THSD4: variants seen among roughly 807,000 people sequenced by gnomAD.
The protein encoded by THSD4 is thrombospondin type-1 domain-containing protein 4.
THSD4 carries 69 observed loss-of-function variants against 119.0 expected under a neutral mutation model. The observed-to-expected ratio is 0.58, with a 90% confidence interval of 0.48 to 0.71. The LOEUF (loss-of-function observed/expected upper bound fraction) is 0.71. Ranked by LOEUF, THSD4 falls within the 30% of genes least tolerant of loss-of-function variation. The pLI is 0.00. For synonymous variants in THSD4, 524 were observed against 540.4 expected, an observed-to-expected ratio of 0.97 and a Z score of 0.42; for missense variants, 1,393 against 1,391.1, an observed-to-expected ratio of 1.00 and a Z score of -0.02.
chr15:71,218,131 C>T (rs893054195), intron 4 of THSD4, among the ~76,000 whole-genome samples: 1 of 152,144 alleles, frequency 6.6e-6, no homozygotes, highest in Non-Finnish European at 1.5e-5. Context: ...TTGCTAATAG[C>T]ATCTTCATTT....
intron 7 of THSD4, among the ~76,000 whole-genome samples, chr15:71,466,516 G>A (rs1224480224): frequency 6.6e-6 from 1 of 152,076 alleles, no homozygotes; most frequent in Non-Finnish European, 1.5e-5. Context: ...CTGGTGCCAG[G>A]GCAGAACCCT....
intron 17 of THSD4, among the ~76,000 whole-genome samples, chr15:71,771,700 AAGG>A (rs2053826822): frequency 6.6e-6 from 1 of 152,150 alleles, no homozygotes; most frequent in South Asian, 2.1e-4. Context: ...GACTAGACTC[AAGG>A]AGGAGGAGTG....
At chr15:71,506,428 G>A (rs574702533) in intron 7 of THSD4, among the ~76,000 whole-genome samples, 13 of 152,280 alleles carry the variant, frequency 8.5e-5, no homozygotes, top group African/African-American at 2.9e-4. Flanking sequence ...CTTGCCATCA[G>A]CATGGCACAG....
chr15:71,735,654 GTC>G lies in THSD4; in HGVS notation c.1631-2069_1631-2068del, dbSNP rs373288292. Among the ~76,000 whole-genome samples, 205 of 141,706 alleles carry G rather than the reference GTC, an allele frequency of 1.4e-3. 2 individuals are homozygous for G. Among genetic ancestry groups the G allele is most frequent in the African/African-American group, 5.4e-3 (200 of 37,258 alleles). The allele number at this position is 141,706 out of a possible 152,430, so 93.0% of individuals were successfully genotyped here. ...TCTCTTGCTGTCTCTCTTGCTCTCT[GTC>G]TCTCTCTCGTTCTCTGTCTCTCTCA... On this transcript the variant is annotated intron_variant, in intron 10 of 17. Coordinates refer to ENST00000261862, the MANE Select transcript of THSD4 (RefSeq NM_024817.3).
chr15:71,587,640 G>A (rs1224297447), intron 7 of THSD4, among the ~76,000 whole-genome samples: 4 of 123,272 alleles, frequency 3.2e-5, no homozygotes, highest in African/African-American at 8.1e-5. Context: ...GGGGGAGAGG[G>A]GAGGGATAGC....
At chr15:71,537,493 C>T (rs1426231868) in intron 7 of THSD4, among the ~76,000 whole-genome samples, 2 of 152,154 alleles carry the variant, frequency 1.3e-5, no homozygotes, top group Admixed American at 6.5e-5. Context: ...AGTATTGCTC[C>T]TCTCACAAGC....
chr15:71,551,061 T>G (rs562110375), intron 7 of THSD4, among the ~76,000 whole-genome samples: 2 of 152,350 alleles, frequency 1.3e-5, no homozygotes, highest in South Asian at 4.1e-4. Flanking sequence ...CTGTCATAAT[T>G]AGGTCCTTTC....
chr15:71,500,943 C>T (rs1021946865), intron 7 of THSD4, among the ~76,000 whole-genome samples: 2 of 152,120 alleles, frequency 1.3e-5, no homozygotes, highest in African/African-American at 4.8e-5. Context: ...TTCTCAAGAT[C>T]GTTTTGTCTA....
chr15:71,172,682 CATATATATATATATATATATATATAT>C (rs71152331), intron 3 of THSD4, among the ~76,000 whole-genome samples: 405 of 24,242 alleles, frequency 0.017, 23 homozygotes, highest in African/African-American at 0.034. Flanking sequence ...TAGACCTATA[CATATATATATATATATATATATATAT>C]ATATATATAT....
rs150525643 is a variant in THSD4 at position 71,728,582 on chromosome 15, A to G, written c.1391A>G (p.Asn464Ser). ...LRSRSGRSIINGNWAIDRPGK... is the reference protein window; with the variant it reads ...LRSRSGRSIISGNWAIDRPGK... ...AGTCGTTCTGGACGCTCCATCATCAATGGGAACTGGGCAATTGATCGACCA... is the reference window on the plus strand; with the variant it reads ...AGTCGTTCTGGACGCTCCATCATCAGTGGGAACTGGGCAATTGATCGACCA... The change falls in exon 9 of 18, where the codon AAT (asparagine) becomes AGT (serine). Residue 464 changes from asparagine to serine, a missense_variant. Coordinates refer to ENST00000261862, the MANE Select transcript of THSD4 (RefSeq NM_024817.3). 6.8e-6 allele frequency: 11 copies of G among 1,614,204 alleles called. No homozygotes were observed. Among genetic ancestry groups the G allele is most frequent in the Middle Eastern group, 3.3e-4 (2 of 6,062 alleles).
At chr15:71,100,783 CA>C (rs1368537056) in intron 1 of THSD4, among the ~76,000 whole-genome samples, 1 of 152,008 alleles carries the variant, frequency 6.6e-6, no homozygotes, top group Non-Finnish European at 1.5e-5. Context: ...AGTTTGAGAC[CA>C]GCCTGGGCCA....
At chr15:71,192,980 G>T (rs1436363694) in intron 3 of THSD4, among the ~76,000 whole-genome samples, 2 of 152,148 alleles carry the variant, frequency 1.3e-5, no homozygotes, top group East Asian at 3.9e-4. Context: ...TGGAGACTTG[G>T]CTGCACACCA....
At chr15:71,146,970 TG>T (rs2040668586) in intron 2 of THSD4, among the ~76,000 whole-genome samples, 1 of 152,236 alleles carries the variant, frequency 6.6e-6, no homozygotes, top group African/African-American at 2.4e-5. Flanking sequence ...GTGTGATCAC[TG>T]GGCTGCCAAT....
intron 7 of THSD4, among the ~76,000 whole-genome samples, chr15:71,557,225 A>T (rs1214043838): frequency 2.0e-5 from 3 of 152,182 alleles, no homozygotes; most frequent in Non-Finnish European, 4.4e-5. Flanking sequence ...CATTTTCTCT[A>T]TTAAGATGAT....
intron 7 of THSD4, among the ~76,000 whole-genome samples, chr15:71,425,356 T>G (rs567466029): frequency 9.2e-5 from 14 of 152,202 alleles, no homozygotes; most frequent in Non-Finnish European, 1.9e-4. Flanking sequence ...AAGAGTTGTT[T>G]ATATGTGTTG....
At chr15:71,494,053 G>A (rs1167818727) in intron 7 of THSD4, among the ~76,000 whole-genome samples, 1 of 152,098 alleles carries the variant, frequency 6.6e-6, no homozygotes, top group Non-Finnish European at 1.5e-5. Flanking sequence ...GGGACACCCA[G>A]GTATAATCTA....
At chr15:71,156,481 G>T (rs1473673744) in intron 3 of THSD4, among the ~76,000 whole-genome samples, 1 of 151,848 alleles carries the variant, frequency 6.6e-6, no homozygotes, top group African/African-American at 2.4e-5. Context: ...GGCTAGTCTC[G>T]AACTCCTGAC....
chr15:71,147,295 C>A (rs1052463032), intron 2 of THSD4, among the ~76,000 whole-genome samples: 2 of 152,156 alleles, frequency 1.3e-5, no homozygotes, highest in African/African-American at 4.8e-5. Flanking sequence ...ACCTCAAATG[C>A]CTGGGCTCAA....
chr15:71,667,779 G>A, intron 8 of THSD4, among the ~76,000 whole-genome samples: 1 of 152,124 alleles, frequency 6.6e-6, no homozygotes, highest in East Asian at 1.9e-4. Context: ...GAAGACAAAT[G>A]AAATAGAGCA....
Sources: gnomAD v4.1 joint callset for allele counts (sites outside exome capture counted in the v4.1 genomes callset) on GRCh38, gnomAD v4.1.1 for gene constraint, MANE v1.5 for transcripts, NCBI Gene and HGNC (gene_info 2026-07-23, HGNC 2026-07-21) for gene names.